BRMS1L: variants seen among roughly 807,000 people sequenced by gnomAD.
The protein encoded by BRMS1L is breast cancer metastasis-suppressor 1-like protein.
BRMS1L carries 23 observed loss-of-function variants against 50.3 expected under a neutral mutation model. That is an observed-to-expected ratio of 0.46 (90% CI 0.33 to 0.65). The LOEUF is 0.65. Ranked by LOEUF, BRMS1L falls within the 30% of genes least tolerant of loss-of-function variation. The pLI is 0.02. For missense variants in BRMS1L, 286 were observed against 386.1 expected (o/e 0.74, Z 2.17); for synonymous variants, 114 against 126.9 (o/e 0.90, Z 0.69).
chr14:35,854,979 C>G (rs895778323), intron 4 of BRMS1L, among the ~76,000 whole-genome samples: 1 of 152,256 alleles, frequency 6.6e-6, no homozygotes, highest in South Asian at 2.1e-4. Flanking sequence ...TTTTCCCCCC[C>G]TCTTACTGCC....
chr14:35,832,157 A>G (rs2077927508), intron 2 of BRMS1L, among the ~76,000 whole-genome samples: 2 of 152,126 alleles, frequency 1.3e-5, no homozygotes, highest in African/African-American at 4.8e-5. Flanking sequence ...GTCAGGTCAT[A>G]AAAACATTGG....
intron 8 of BRMS1L, 34 bp downstream of exon 8, chr14:35,865,795 C>G: frequency 6.4e-7 from 1 of 1,570,330 alleles, no homozygotes; most frequent in Non-Finnish European, 8.6e-7. Context: ...GAAATATTCT[C>G]TTTGGAGACT....
At chr14:35,834,982 G>A in intron 4 of BRMS1L, 59 bp downstream of exon 4, 2 of 1,328,078 alleles carry the variant, frequency 1.5e-6, no homozygotes, top group South Asian at 1.6e-5. Flanking sequence ...TTTTCTGAGT[G>A]TAGTAGTTAA....
Position 35,831,509 on chromosome 14 carries a change from T to C in BRMS1L, c.233+9T>C, listed in dbSNP as rs767751989. 6.2e-7 allele frequency: 1 copy of C among 1,606,330 alleles called. No individual in the cohort carries two copies. Among genetic ancestry groups the C allele is most frequent in the South Asian group, 1.1e-5 (1 of 90,864 alleles). On this transcript the variant is annotated intron_variant, in intron 2 of 9. Coordinates refer to ENST00000216807, the MANE Select transcript of BRMS1L (RefSeq NM_032352.4). ...ACCGATCTCAAAGATCAGTAAGTAGTGACTTTAGAAGGCCATTGTCACTGA... is the reference window on the plus strand; with the variant it reads ...ACCGATCTCAAAGATCAGTAAGTAGCGACTTTAGAAGGCCATTGTCACTGA...
At position 35,841,363 on chromosome 14, in the gene BRMS1L, A is replaced by G. The variant is rs563909398; in HGVS notation, c.441+6440A>G. ...AGTCTTGCTCTGTCCCCCAGGCGCA[A>G]TCTCGGCTCACTGCAAGCTCTGCCT... On this transcript the variant is annotated intron_variant, in intron 4 of 9. Transcript: ENST00000216807. 7.9e-5 allele frequency among the ~76,000 whole-genome samples: 12 copies of G among 151,960 alleles called. No individual in the cohort carries two copies. The South Asian group carries it at 2.3e-3, about 29-fold the overall frequency.
chr14:35,830,505 C>T (rs958032002), intron 1 of BRMS1L, among the ~76,000 whole-genome samples: 3 of 151,974 alleles, frequency 2.0e-5, no homozygotes, highest in Non-Finnish European at 2.9e-5. Flanking sequence ...CTACAGGCAT[C>T]CACCACTATG....
chr14:35,827,519 G>A (rs74042878), intron 1 of BRMS1L, among the ~76,000 whole-genome samples: 1,591 of 152,272 alleles, frequency 0.01, 35 homozygotes, highest in African/African-American at 0.036. Context: ...GTTGATGACA[G>A]CCTAGTATCA....
chr14:35,862,507 G>A, intron 4 of BRMS1L, 83 bp from the exon 5 acceptor site: 1 of 707,348 alleles, frequency 1.4e-6, no homozygotes, highest in Non-Finnish European at 2.2e-6. Flanking sequence ...ATATATTAAA[G>A]TACTTTAAGT....
chr14:35,858,443 TC>T (rs2078309588), intron 4 of BRMS1L: 1 of 152,236 alleles, frequency 6.6e-6, no homozygotes, highest in East Asian at 1.9e-4. Context: ...AGTGTATCTT[TC>T]AGTAGCATCC....
intron 4 of BRMS1L, among the ~76,000 whole-genome samples, chr14:35,859,341 C>A (rs1202079190): frequency 1.3e-5 from 2 of 152,156 alleles, no homozygotes; most frequent in Non-Finnish European, 1.5e-5. Flanking sequence ...CCACATCTTT[C>A]CTGTCTGAAA....
intron 8 of BRMS1L, among the ~76,000 whole-genome samples, chr14:35,866,400 A>C (rs2078421747): frequency 6.6e-6 from 1 of 152,218 alleles, no homozygotes; most frequent in South Asian, 2.1e-4. Flanking sequence ...GTAATCGATA[A>C]GAGACCAATT....
intron 4 of BRMS1L, among the ~76,000 whole-genome samples, chr14:35,846,698 A>G (rs933845058): frequency 2.6e-5 from 4 of 152,170 alleles, no homozygotes; most frequent in African/African-American, 9.6e-5. Context: ...GATATGTACT[A>G]TTATTGGTGA....
intron 8 of BRMS1L, 43 bp from the exon 9 acceptor site, chr14:35,867,863 C>T (rs141402819): frequency 1.3e-6 from 2 of 1,514,734 alleles, no homozygotes; most frequent in Middle Eastern, 1.8e-4. Context: ...GTTCTTCTGA[C>T]AGTGTTTTAT....
intron 4 of BRMS1L, 53 bp downstream of exon 4, chr14:35,834,976 C>T (rs1595661184): frequency 1.4e-6 from 2 of 1,395,208 alleles, no homozygotes; most frequent in South Asian, 2.9e-5. Context: ...CAAGCCTTTT[C>T]TGAGTGTAGT....
chr14:35,829,957 G>A (rs557230445), intron 1 of BRMS1L: 1,075 of 623,640 alleles, frequency 1.7e-3, no homozygotes, highest in Non-Finnish European at 2.1e-3. Flanking sequence ...CTCCTCATTT[G>A]CCTCTTTCTC....
chr14:35,842,965 A>G (rs138712761), intron 4 of BRMS1L, among the ~76,000 whole-genome samples: 19 of 152,252 alleles, frequency 1.2e-4, no homozygotes, highest in African/African-American at 3.6e-4. Flanking sequence ...CTCTTTATCA[A>G]TTCAGCTGTT....
Position 35,855,357 on chromosome 14 carries a change from A to C in BRMS1L, c.442-7233A>C, listed in dbSNP as rs190485217. Among the ~76,000 whole-genome samples the C allele has an allele frequency of 3.9e-5, 6 of 152,254 alleles. No homozygotes were observed. In the East Asian group the frequency reaches 1.2e-3, roughly 29 times the overall value. ...TTCTCCCACCTCAGCGTCCCAAAGC[A>C]TTAGGATTACAGGTGTGAGCCATGT... On this transcript the variant is annotated intron_variant, in intron 4 of 9. Coordinates refer to ENST00000216807, the MANE Select transcript of BRMS1L (RefSeq NM_032352.4).
intron 4 of BRMS1L, among the ~76,000 whole-genome samples, chr14:35,852,930 CAA>C (rs879861236): frequency 1.4e-5 from 2 of 138,426 alleles, no homozygotes; most frequent in African/African-American, 5.3e-5. Flanking sequence ...GGCTCCGTCT[CAA>C]AAAAAAAAAA....
chr14:35,826,474 C>T lies in BRMS1L; in HGVS notation c.-43C>T. 3 of 1,554,016 alleles carry T rather than the reference C, an allele frequency of 1.9e-6. No individual in the cohort carries two copies. The highest frequency in any genetic ancestry group is 2.6e-6 in the Non-Finnish European group (3 of 1,149,160). ...CGCCCTTCATTGAAGCGGCGGTGGC[C>T]GGGCTGGGCGCCGGTAGTGGAAAGC... On this transcript the variant is annotated 5_prime_UTR_variant, in exon 1 of 10. Transcript: ENST00000216807.
Sources: gnomAD v4.1 joint callset for allele counts (sites outside exome capture counted in the v4.1 genomes callset) on GRCh38, gnomAD v4.1.1 for gene constraint, MANE v1.5 for transcripts, NCBI Gene and HGNC (gene_info 2026-07-23, HGNC 2026-07-21) for gene names.